Variants in OXR1 observed in about 807,000 individuals in gnomAD.
OXR1 encodes oxidation resistance protein 1.
A neutral mutation model predicts 104.6 loss-of-function variants in OXR1; 41 were observed. The ratio of observed to expected loss-of-function variants is 0.39; its 90% CI spans 0.31 to 0.51. OXR1 has a LOEUF of 0.51. Among genes scored for constraint, OXR1 ranks in the 20% least tolerant of loss-of-function variants. OXR1 has a pLI of 0.77. For missense variants in OXR1, 955 were observed against 1,031.9 expected, an observed-to-expected ratio of 0.93 and a Z score of 1.02; for synonymous variants, 348 against 348.4, an observed-to-expected ratio of 1.00 and a Z score of 0.01.
chr8:106,280,613 A>G (rs1340925341), intron 1 of OXR1, among the ~76,000 whole-genome samples: 1 of 152,102 alleles, frequency 6.6e-6, no homozygotes, highest in Non-Finnish European at 1.5e-5. Context: ...ATGGGTACAG[A>G]GTTTCAGTCT....
intron 8 of OXR1, 45 bp from the exon 9 acceptor site, chr8:106,706,337 C>G: frequency 7.1e-7 from 1 of 1,400,084 alleles, no homozygotes; most frequent in South Asian, 1.4e-5. Context: ...AGTAAAATAC[C>G]ACAATTTTAA....
At chr8:106,483,570 C>T (rs1025975996) in intron 2 of OXR1, among the ~76,000 whole-genome samples, 3 of 151,524 alleles carry the variant, frequency 2.0e-5, no homozygotes, top group Admixed American at 6.6e-5. Context: ...AAGAAGTTTC[C>T]GATTATAATA....
At position 106,538,835 on chromosome 8, in the gene OXR1, T is replaced by TG. The variant is rs577286322; in HGVS notation, c.220+19700dup. 2.0e-5 allele frequency among the ~76,000 whole-genome samples: 3 copies of TG among 152,254 alleles called. No homozygotes were observed. The South Asian group carries it at 6.2e-4, about 32-fold the overall frequency. On this transcript the variant is annotated intron_variant, in intron 3 of 16. Coordinates refer to ENST00000517566, the MANE Select transcript of OXR1 (RefSeq NM_001198533.2). The stretch of plus-strand genomic sequence containing the variant: ...GCATGCAGAGTGAAATTCTTCAACG[T>TG]GGGGAAAAGGAAAAAGTATGGAACT...
intron 1 of OXR1, among the ~76,000 whole-genome samples, chr8:106,287,790 A>C (rs1205143867): frequency 6.6e-6 from 1 of 152,214 alleles, no homozygotes; most frequent in Non-Finnish European, 1.5e-5. Context: ...ATCTATAAGA[A>C]ATTTTTCTAG....
chr8:106,283,448 C>G (rs1013076823), intron 1 of OXR1, among the ~76,000 whole-genome samples: 1 of 152,158 alleles, frequency 6.6e-6, no homozygotes, highest in Non-Finnish European at 1.5e-5. Flanking sequence ...GCCCATAGAT[C>G]AGGGATATTT....
intron 3 of OXR1, among the ~76,000 whole-genome samples, chr8:106,594,706 T>C (rs1819379721): frequency 6.6e-6 from 1 of 152,058 alleles, no homozygotes; most frequent in South Asian, 2.1e-4. Flanking sequence ...AGCACAGGGA[T>C]ACTGATAAGA....
intron 11 of OXR1, among the ~76,000 whole-genome samples, chr8:106,718,404 G>A (rs1461666713): frequency 6.6e-6 from 1 of 152,184 alleles, no homozygotes; most frequent in African/African-American, 2.4e-5. Context: ...AAGGTGGTCA[G>A]GAGTAAAAGT....
At chr8:106,306,177 T>C (rs192274718) in intron 1 of OXR1, among the ~76,000 whole-genome samples, 2 of 152,256 alleles carry the variant, frequency 1.3e-5, no homozygotes. Flanking sequence ...GGAATAATTT[T>C]CCTGATGGCT....
intron 1 of OXR1, among the ~76,000 whole-genome samples, chr8:106,338,660 A>G (rs1338751863): frequency 1.3e-5 from 2 of 151,588 alleles, no homozygotes; most frequent in Non-Finnish European, 2.9e-5. Context: ...GCCCAGTGGG[A>G]GCTCTCATTC....
At chr8:106,695,891 A>G (rs1347761691) in intron 7 of OXR1, among the ~76,000 whole-genome samples, 1 of 152,038 alleles carries the variant, frequency 6.6e-6, no homozygotes, top group Non-Finnish European at 1.5e-5. Context: ...TAGAATTCAT[A>G]TTTATACTCT....
intron 1 of OXR1, among the ~76,000 whole-genome samples, chr8:106,299,622 T>C (rs866895582): frequency 1.3e-5 from 2 of 152,160 alleles, no homozygotes; most frequent in Admixed American, 6.5e-5. Flanking sequence ...TATTCTCATA[T>C]ACTCTTTCTC....
chr8:106,328,563 C>T (rs1461286300), intron 1 of OXR1, among the ~76,000 whole-genome samples: 1 of 152,162 alleles, frequency 6.6e-6, no homozygotes, highest in East Asian at 1.9e-4. Flanking sequence ...GTCTGTAAGG[C>T]TACCGTGCTG....
At chr8:106,698,976 A>G (rs962100684) in intron 7 of OXR1, among the ~76,000 whole-genome samples, 6 of 152,202 alleles carry the variant, frequency 3.9e-5, no homozygotes, top group African/African-American at 1.4e-4. Flanking sequence ...TCCTACATAT[A>G]TTCTTGCACT....
chr8:106,629,039 G>C (rs1822430395), intron 3 of OXR1, among the ~76,000 whole-genome samples: 1 of 152,116 alleles, frequency 6.6e-6, no homozygotes, highest in Admixed American at 6.5e-5. Context: ...GCGTAACAGA[G>C]TAAGAGAGAA....
At chr8:106,442,034 G>T (rs1819807486) in intron 2 of OXR1, among the ~76,000 whole-genome samples, 1 of 152,160 alleles carries the variant, frequency 6.6e-6, no homozygotes, top group African/African-American at 2.4e-5. Flanking sequence ...CATTCAATAT[G>T]ATATTGGCTG....
intron 1 of OXR1, among the ~76,000 whole-genome samples, chr8:106,349,225 G>A (rs576907989): frequency 1.4e-4 from 21 of 152,142 alleles, no homozygotes; most frequent in African/African-American, 5.1e-4. Flanking sequence ...TCATCCAAAT[G>A]ATCAAAATGA....
Position 106,553,482 on chromosome 8 carries a change from C to T in OXR1, c.220+34343C>T, listed in dbSNP as rs189574968. Among the ~76,000 whole-genome samples the T allele has an allele frequency of 2.1e-3, 324 of 151,872 alleles. 1 individual carries two copies. Among genetic ancestry groups the T allele is most frequent in the African/African-American group, 7.4e-3 (307 of 41,440 alleles). The stretch of plus-strand genomic sequence containing the variant: ...TACAGGTGTGTGCCACCACACCTGG[C>T]TAAATTTTTATATGATTTCTAGAGA... On this transcript the variant is annotated intron_variant, in intron 3 of 16. Coordinates refer to ENST00000517566, the MANE Select transcript of OXR1 (RefSeq NM_001198533.2).
At chr8:106,479,683 G>A (rs1313919382) in intron 2 of OXR1, among the ~76,000 whole-genome samples, 1 of 151,956 alleles carries the variant, frequency 6.6e-6, no homozygotes, top group Admixed American at 6.6e-5. Context: ...ATTGACATAG[G>A]ATTTACATAA....
rs539633036 is a variant in OXR1, at chr8:106,423,894, T to C, written c.23+64258T>C. Reference sequence around the variant, plus strand: ...CTCAACCTTCTTCCAAGCAGTCTTTTAAATAGAATAATCATTTCTTTCCTA... The same window carrying C: ...CTCAACCTTCTTCCAAGCAGTCTTTCAAATAGAATAATCATTTCTTTCCTA... On this transcript the variant is annotated intron_variant, in intron 2 of 16. Transcript: ENST00000517566. Among the ~76,000 whole-genome samples, 10 of 152,288 alleles carry C rather than the reference T, an allele frequency of 6.6e-5. No individual in the cohort carries two copies. The East Asian group carries it at 1.2e-3, about 18-fold the overall frequency.
Sources: gnomAD v4.1 joint callset for allele counts (sites outside exome capture counted in the v4.1 genomes callset) on GRCh38, gnomAD v4.1.1 for gene constraint, MANE v1.5 for transcripts, NCBI Gene and HGNC (gene_info 2026-07-23, HGNC 2026-07-21) for gene names.